CALB1: variants seen among roughly 807,000 people sequenced by gnomAD.
The protein encoded by CALB1 is calbindin.
Under a neutral mutation model 46.7 loss-of-function variants are expected in CALB1, and 16 were observed. The observed-to-expected ratio is 0.34, with a 90% CI of 0.23 to 0.52. CALB1 has a LOEUF of 0.52. Ranked by LOEUF, CALB1 falls within the 20% of genes least tolerant of loss-of-function variation. The pLI, the probability that CALB1 is intolerant of heterozygous loss-of-function variation, is 0.95. For synonymous variants in CALB1, 90 were observed against 112.8 expected, an observed-to-expected ratio of 0.80 and a Z score of 1.28; for missense variants, 224 against 300.3, an observed-to-expected ratio of 0.75 and a Z score of 1.88.
intron 5 of CALB1, among the ~76,000 whole-genome samples, chr8:90,068,580 GA>G (rs1033729310): frequency 1.3e-5 from 2 of 152,138 alleles, no homozygotes; most frequent in Admixed American, 1.3e-4. Context: ...CTTACGCAAA[GA>G]TTAAATAAGG....
chr8:90,063,056 T>C (rs1171046021), intron 9 of CALB1, 44 bp downstream of exon 9: 1 of 1,409,270 alleles, frequency 7.1e-7, no homozygotes, highest in Non-Finnish European at 1.0e-6. Context: ...TATGTTGTGT[T>C]CTTACTTCAA....
chr8:90,079,782 T>C (rs1814693584), intron 2 of CALB1, among the ~76,000 whole-genome samples: 1 of 152,024 alleles, frequency 6.6e-6, no homozygotes, highest in African/African-American at 2.4e-5. Flanking sequence ...TCTGAAAATA[T>C]ATTGCATTGT....
chr8:90,061,287 G>A (rs981146674), intron 9 of CALB1: 1 of 152,196 alleles, frequency 6.6e-6, no homozygotes, highest in African/African-American at 2.4e-5. Flanking sequence ...CGAATCAGGA[G>A]TTTGTGTAAT....
At chr8:90,073,002 A>C (rs74692907) in intron 3 of CALB1, among the ~76,000 whole-genome samples, 2 of 151,840 alleles carry the variant, frequency 1.3e-5, no homozygotes, top group East Asian at 1.9e-4. Flanking sequence ...AGGAAAAAAA[A>C]CCAACAACTT....
chr8:90,063,755 G>A (rs566212551), intron 6 of CALB1: 1 of 276,418 alleles, frequency 3.6e-6, no homozygotes, highest in South Asian at 7.6e-5. Flanking sequence ...GTATCAAGAT[G>A]TGGGAGGGAT....
chr8:90,073,187 G>A (rs1814564867), intron 3 of CALB1, among the ~76,000 whole-genome samples: 1 of 152,136 alleles, frequency 6.6e-6, no homozygotes, highest in South Asian at 2.1e-4. Flanking sequence ...AATAAATGGA[G>A]GTAAAGTTCC....
chr8:90,082,337 G>T, intron 1 of CALB1: 2 of 600,322 alleles, frequency 3.3e-6, no homozygotes, highest in East Asian at 2.8e-5. Flanking sequence ...CAGAAACTTT[G>T]GGGGGGCAGC....
chr8:90,082,727 G>C lies in CALB1; in HGVS notation c.-30C>G, dbSNP rs751459907. ...CAGCGGGGTGTGTGTCTGGGTGTGT[G>C]AATATGCGTGTGTCTGTGTCCGCGC... On this transcript the variant is annotated 5_prime_UTR_variant, in exon 1 of 11. Transcript: ENST00000265431. The C allele has an allele frequency of 2.6e-5, 41 of 1,589,248 alleles. No homozygotes were observed. The South Asian group carries it at 4.5e-4, about 18-fold the overall frequency.
intron 2 of CALB1, among the ~76,000 whole-genome samples, chr8:90,081,683 T>C: frequency 1.3e-5 from 2 of 152,228 alleles, no homozygotes; most frequent in Middle Eastern, 6.8e-3. Context: ...CAAGTACTAG[T>C]ATAGAATATA....
At chr8:90,080,798 A>G (rs1814715673) in intron 2 of CALB1, among the ~76,000 whole-genome samples, 1 of 152,070 alleles carries the variant, frequency 6.6e-6, no homozygotes, top group South Asian at 2.1e-4. Context: ...ATTCTTTTGA[A>G]TATGCTGTAC....
intron 3 of CALB1, 28 bp from the exon 4 acceptor site, chr8:90,069,265 G>C (rs1411867813): frequency 1.3e-6 from 2 of 1,558,844 alleles, no homozygotes; most frequent in Non-Finnish European, 1.8e-6. Flanking sequence ...AGAGAGAAAC[G>C]TGTTGTAAGT....
Position 90,058,775 on chromosome 8 carries a change from C to T in CALB1, c.*1398G>A, listed in dbSNP as rs1299612231. On this transcript the variant is annotated 3_prime_UTR_variant, in exon 11 of 11. Coordinates refer to ENST00000265431, the MANE Select transcript of CALB1 (RefSeq NM_004929.4). ...TTTGTTCTTGAGGGAAACATTATAG[C>T]TCACATTTTTTGGTTATTTTTATGA... 6.6e-6 allele frequency: 1 copy of T among 152,122 alleles called. No homozygotes were observed. Among genetic ancestry groups the T allele is most frequent in the East Asian group, 1.9e-4 (1 of 5,196 alleles). The allele number at this position is 152,122 out of a possible 1,614,324, so 9.4% of individuals were successfully genotyped here.
At chr8:90,081,034 A>T in intron 2 of CALB1, among the ~76,000 whole-genome samples, 1 of 152,094 alleles carries the variant, frequency 6.6e-6, no homozygotes, top group East Asian at 1.9e-4. Context: ...CATAAACCTC[A>T]ATAGAGTAGT....
chr8:90,072,573 T>C (rs1056205120), intron 3 of CALB1, among the ~76,000 whole-genome samples: 6 of 152,238 alleles, frequency 3.9e-5, no homozygotes, highest in African/African-American at 1.2e-4. Context: ...TTTCTTAAGA[T>C]ATGTTTCACA....
chr8:90,068,515 A>G (rs977387931), intron 5 of CALB1, among the ~76,000 whole-genome samples: 1 of 152,192 alleles, frequency 6.6e-6, no homozygotes, highest in African/African-American at 2.4e-5. Context: ...GGCCTTCAGT[A>G]TATCATTTAA....
intron 2 of CALB1, 120 bp downstream of exon 2, chr8:90,081,906 T>C: frequency 2.6e-6 from 2 of 757,458 alleles, no homozygotes; most frequent in Non-Finnish European, 4.3e-6. Flanking sequence ...CCTTTCGCAG[T>C]CAATAAACGT....
chr8:90,062,039 T>TTA (rs975688508), intron 9 of CALB1: 1 of 152,016 alleles, frequency 6.6e-6, no homozygotes, highest in African/African-American at 2.4e-5. Flanking sequence ...GTTTCACATG[T>TTA]TATAGTCAAC....
intron 1 of CALB1, chr8:90,082,303 T>C (rs1004799111): frequency 6.6e-6 from 4 of 608,202 alleles, no homozygotes; most frequent in African/African-American, 5.6e-5. Context: ...CAAAGGAGGA[T>C]GGTTGGGGTG....
At chr8:90,063,547 G>T in intron 6 of CALB1, 86 bp from the exon 7 acceptor site, 1 of 1,108,186 alleles carries the variant, frequency 9.0e-7, no homozygotes, top group Non-Finnish European at 1.3e-6. Flanking sequence ...AGCTGTTTGA[G>T]TTATCAACTA....
Sources: gnomAD v4.1 joint callset for allele counts (sites outside exome capture counted in the v4.1 genomes callset) on GRCh38, gnomAD v4.1.1 for gene constraint, MANE v1.5 for transcripts, NCBI Gene and HGNC (gene_info 2026-07-23, HGNC 2026-07-21) for gene names.